Variants in AMMECR1 observed in about 807,000 individuals in gnomAD.
The protein encoded by AMMECR1 is AMMECR nuclear protein 1.
A neutral mutation model predicts 22.5 loss-of-function variants in AMMECR1; 3 were observed. The ratio of observed to expected loss-of-function variants is 0.13; its 90% confidence interval spans 0.06 to 0.35. AMMECR1 has a LOEUF of 0.35. Among genes scored for constraint, AMMECR1 ranks in the 10% least tolerant of loss-of-function variants. The pLI is 1.00. For missense variants in AMMECR1, 235 were observed against 278.7 expected (o/e 0.84, Z 1.12); for synonymous variants, 130 against 116.7 (o/e 1.11, Z -0.74).
At chrX:110,380,297 A>C (rs5985276) in intron 2 of AMMECR1, among the ~76,000 whole-genome samples, 18,424 of 111,174 alleles carry the variant, frequency 0.17, 2,818 homozygotes, top group African/African-American at 0.49. Flanking sequence ...TGTAGTAGGA[A>C]AACAATATAA....
intron 2 of AMMECR1, among the ~76,000 whole-genome samples, chrX:110,398,847 A>G (rs778993591): frequency 8.9e-6 from 1 of 112,520 alleles, no homozygotes; most frequent in South Asian, 3.7e-4. Flanking sequence ...GGGAAGGCAA[A>G]TAAGTTTCAT....
chrX:110,336,881 A>T (rs2068143789), intron 2 of AMMECR1, among the ~76,000 whole-genome samples: 3 of 111,581 alleles, frequency 2.7e-5, no homozygotes, highest in African/African-American at 9.8e-5. Context: ...CAGGAATGAG[A>T]GATAGAATGC....
chrX:110,395,977 C>A (rs1238753355), intron 2 of AMMECR1, among the ~76,000 whole-genome samples: 1 of 111,661 alleles, frequency 9.0e-6, no homozygotes, highest in Non-Finnish European at 1.9e-5. Context: ...CCCTTTCAAG[C>A]AGAAAAGTAC....
intron 1 of AMMECR1, among the ~76,000 whole-genome samples, chrX:110,290,594 A>G (rs2067902796): frequency 9.0e-6 from 1 of 111,532 alleles, no homozygotes; most frequent in Admixed American, 9.6e-5. Flanking sequence ...TTTTAATGAA[A>G]TATTTAATAT....
intron 1 of AMMECR1, among the ~76,000 whole-genome samples, chrX:110,431,910 G>A (rs1021416980): frequency 8.9e-6 from 1 of 111,920 alleles, no homozygotes; most frequent in African/African-American, 3.3e-5. Context: ...GGTGAGAGTT[G>A]ACACTGTCCA....
At chrX:110,407,531 A>G (rs2068611353) in intron 2 of AMMECR1, among the ~76,000 whole-genome samples, 1 of 112,597 alleles carries the variant, frequency 8.9e-6, no homozygotes, top group African/African-American at 3.2e-5. Context: ...CATTTTCCAG[A>G]CATTCATTAT....
intron 2 of AMMECR1, among the ~76,000 whole-genome samples, chrX:110,332,595 T>C (rs1335126411): frequency 6.2e-5 from 7 of 112,113 alleles, no homozygotes. Flanking sequence ...GTTGTAGATT[T>C]TTTTCCCTCC....
rs557019500 is a variant in AMMECR1 at position 110,333,049 on chromosome X, C to T, written c.-147-15200G>A. ...CAAGAGTGGCACAGAAGCAGCTACCCCGTCTAACTTTAAGGGGATTTGCCT... is the reference window on the plus strand; with the variant it reads ...CAAGAGTGGCACAGAAGCAGCTACCTCGTCTAACTTTAAGGGGATTTGCCT... On this transcript the variant is annotated intron_variant, in intron 2 of 7. Coordinates refer to the AMMECR1 transcript ENST00000372057. 5.4e-5 allele frequency among the ~76,000 whole-genome samples: 6 copies of T among 111,734 alleles called. No individual in the cohort carries two copies. The South Asian group carries it at 2.3e-3, about 42-fold the overall frequency.
At chrX:110,284,703 T>C (rs772143323) in intron 1 of AMMECR1, among the ~76,000 whole-genome samples, 82 of 111,459 alleles carry the variant, frequency 7.4e-4, no homozygotes, top group African/African-American at 2.4e-3. Context: ...CTGACTTCTG[T>C]ATCTATACTG....
chrX:110,214,026 G>A (rs2067460343), intron 3 of AMMECR1, among the ~76,000 whole-genome samples: 1 of 110,927 alleles, frequency 9.0e-6, no homozygotes, highest in Admixed American at 9.5e-5. Flanking sequence ...CACTTTGGGA[G>A]GCCGAGGTGG....
At chrX:110,380,155 G>A (rs367604746) in intron 2 of AMMECR1, among the ~76,000 whole-genome samples, 20 of 111,821 alleles carry the variant, frequency 1.8e-4, no homozygotes, top group African/African-American at 6.5e-4. Context: ...TAAAGGTACA[G>A]ACATGGGAAA....
At chrX:110,337,918 A>G (rs1399580931) in intron 2 of AMMECR1, among the ~76,000 whole-genome samples, 1 of 112,584 alleles carries the variant, frequency 8.9e-6, no homozygotes, top group Non-Finnish European at 1.9e-5. Context: ...ATGCTACAGC[A>G]TGGGTGAACC....
At chrX:110,336,464 A>G (rs1252285185) in intron 2 of AMMECR1, among the ~76,000 whole-genome samples, 1 of 111,161 alleles carries the variant, frequency 9.0e-6, no homozygotes, top group Non-Finnish European at 1.9e-5. Context: ...TGAGTGGATC[A>G]TCTGAGATCA....
At chrX:110,396,127 G>A (rs979009156) in intron 2 of AMMECR1, among the ~76,000 whole-genome samples, 5 of 111,457 alleles carry the variant, frequency 4.5e-5, no homozygotes, top group Non-Finnish European at 7.5e-5. Context: ...CTGAGTCAAA[G>A]CTCAGGGCCT....
At chrX:110,249,593 A>G (rs1272499756) in intron 2 of AMMECR1, among the ~76,000 whole-genome samples, 1 of 111,789 alleles carries the variant, frequency 8.9e-6, no homozygotes, top group East Asian at 2.8e-4. Context: ...TAACAAGCAG[A>G]GATATGTTTA....
At chrX:110,432,358 T>G in intron 1 of AMMECR1, among the ~76,000 whole-genome samples, 1 of 112,328 alleles carries the variant, frequency 8.9e-6, no homozygotes, top group Non-Finnish European at 1.9e-5. Flanking sequence ...GGCATTTAGC[T>G]GTGGCATCAG....
At chrX:110,315,434 T>C (rs1048459453) in intron 1 of AMMECR1, among the ~76,000 whole-genome samples, 2 of 112,257 alleles carry the variant, frequency 1.8e-5, no homozygotes, top group Non-Finnish European at 3.8e-5. Flanking sequence ...TCCACCACCG[T>C]TTCAACATAT....
chrX:110,332,836 A>C (rs756097630), intron 2 of AMMECR1, among the ~76,000 whole-genome samples: 3 of 111,744 alleles, frequency 2.7e-5, no homozygotes, highest in Non-Finnish European at 5.6e-5. Context: ...TCTCCGGGAC[A>C]AGAGAGGAGA....
chrX:110,310,827 A>G (rs2068020209), intron 1 of AMMECR1, among the ~76,000 whole-genome samples: 1 of 111,576 alleles, frequency 9.0e-6, no homozygotes. Context: ...CCCACTTTCC[A>G]ATGCCAGTTT....
Sources: allele counts gnomAD v4.1 joint callset (sites outside exome capture counted in the v4.1 genomes callset), GRCh38; gene constraint gnomAD v4.1.1; transcripts MANE v1.5; gene names NCBI Gene and HGNC (gene_info 2026-07-23, HGNC 2026-07-21).